The following YME1L1 variants were observed in gnomAD, a reference collection of about 807,000 sequenced individuals.
YME1L1 encodes ATP-dependent zinc metalloprotease YME1L1.
A neutral mutation model predicts 90.4 loss-of-function variants in YME1L1; 39 were observed. The ratio of observed to expected loss-of-function variants is 0.43; its 90% CI spans 0.33 to 0.56. YME1L1 has a LOEUF of 0.56. Ranked by LOEUF, YME1L1 falls within the 20% of genes least tolerant of loss-of-function variation. The pLI, the probability that YME1L1 is intolerant of heterozygous loss-of-function variation, is 0.03. For synonymous variants in YME1L1, 284 were observed against 287.3 expected (o/e 0.99, Z 0.12); for missense variants, 617 against 868.4 (o/e 0.71, Z 3.64).
chr10:27,152,131 G>GA (rs561472847), intron 1 of YME1L1, among the ~76,000 whole-genome samples: 1,606 of 148,640 alleles, frequency 0.011, 24 homozygotes, highest in Non-Finnish European at 0.015. Context: ...GCAGTAAAAA[G>GA]AAAAAAAAAT....
intron 8 of YME1L1, among the ~76,000 whole-genome samples, chr10:27,127,514 G>A (rs1187514761): frequency 2.0e-5 from 3 of 152,140 alleles, no homozygotes; most frequent in Non-Finnish European, 4.4e-5. Flanking sequence ...GCACCGTGTT[G>A]TAGTATTCTT....
At chr10:27,118,163 A>G (rs1335851775) in intron 14 of YME1L1, among the ~76,000 whole-genome samples, 1 of 152,196 alleles carries the variant, frequency 6.6e-6, no homozygotes. Context: ...CATTCTCCTT[A>G]AAGTCATTCT....
Position 27,153,159 on chromosome 10 carries a change from T to C in YME1L1, c.33+1019A>G, listed in dbSNP as rs59089651. 4.5e-5 allele frequency: 21 copies of C among 469,976 alleles called. 1 individual carries two copies. Among genetic ancestry groups the C allele is most frequent in the South Asian group, 3.3e-4 (21 of 64,478 alleles). 29.1% of individuals were successfully genotyped at this position (469,976 alleles called of 1,614,324 possible). On this transcript the variant is annotated intron_variant, in intron 1 of 18. Transcript: ENST00000376016. ...CTGTGATACCTGTTCACTCTTCACC[T>C]TGCTAAGTCCTACTCATATTTACTT...
At chr10:27,121,748 A>AT (rs10585648) in intron 11 of YME1L1, among the ~76,000 whole-genome samples, 22,151 of 138,412 alleles carry the variant, frequency 0.16, 2,086 homozygotes, top group East Asian at 0.44. Context: ...ACAAGCCACT[A>AT]TTTTTTTTTT....
At chr10:27,152,603 T>A (rs2057233246) in intron 1 of YME1L1, among the ~76,000 whole-genome samples, 1 of 152,176 alleles carries the variant, frequency 6.6e-6, no homozygotes, top group Non-Finnish European at 1.5e-5. Flanking sequence ...CAATACCATA[T>A]TCAATAGGCC....
intron 1 of YME1L1, among the ~76,000 whole-genome samples, 163 bp from the exon 2 acceptor site, chr10:27,149,203 T>C (rs973307925): frequency 1.3e-5 from 2 of 152,172 alleles, no homozygotes; most frequent in African/African-American, 4.8e-5. Flanking sequence ...AGACGAAAAC[T>C]GGTATGTTCT....
chr10:27,144,958 G>A (rs145674599), intron 3 of YME1L1, among the ~76,000 whole-genome samples: 2,572 of 152,128 alleles, frequency 0.017, 142 homozygotes, highest in East Asian at 0.16. Flanking sequence ...TGGCTAACAC[G>A]GTGAAACCCC....
chr10:27,118,444 A>G (rs2135845643), intron 14 of YME1L1, among the ~76,000 whole-genome samples: 1 of 151,994 alleles, frequency 6.6e-6, no homozygotes, highest in South Asian at 2.1e-4. Flanking sequence ...ACCCCACCCA[A>G]CTAATTTTTA....
chr10:27,115,613 C>G (rs1206538964), intron 17 of YME1L1, among the ~76,000 whole-genome samples: 1 of 152,114 alleles, frequency 6.6e-6, no homozygotes, highest in Non-Finnish European at 1.5e-5. Flanking sequence ...CAGTGCCCAG[C>G]CTAAAATCAT....
rs745722956 is a variant in YME1L1, at chr10:27,142,482, T to G, written c.335A>C (p.Asn112Thr). The G allele has an allele frequency of 7.0e-7, 1 of 1,425,248 alleles. No individual in the cohort carries two copies. The highest frequency in any genetic ancestry group is 2.7e-5 in the Admixed American group (1 of 36,550). 88.3% of individuals were successfully genotyped at this position (1,425,248 alleles called of 1,614,324 possible). Residue 112 changes from asparagine (N) to threonine (T), a missense_variant, in exon 4 of 19, where the codon AAC becomes ACC. Transcript: ENST00000376016. ...ACGTAATGTACTAAATATATCTAAG[T>G]TACCTGGAGGGAAATTGCAAAAAGT... ...AQSFFENKYG[N>T]LDIFSTLRSS...
chr10:27,149,247 G>A (rs910867414), intron 1 of YME1L1, among the ~76,000 whole-genome samples: 2 of 152,034 alleles, frequency 1.3e-5, no homozygotes, highest in African/African-American at 4.8e-5. Context: ...TAAATCAAAA[G>A]TATCAAAAAT....
chr10:27,147,607 A>C, intron 2 of YME1L1: 1 of 1,564,512 alleles, frequency 6.4e-7, no homozygotes, highest in Non-Finnish European at 8.7e-7. Flanking sequence ...GTACCCTTCG[A>C]ATATTTTTCC....
chr10:27,135,489 C>T (rs2057018297), intron 5 of YME1L1, among the ~76,000 whole-genome samples: 2 of 152,154 alleles, frequency 1.3e-5, no homozygotes, highest in Non-Finnish European at 2.9e-5. Flanking sequence ...GGTGGTAAAT[C>T]AATGCTACCT....
rs1045162228 is a variant in YME1L1 at position 27,141,023 on chromosome 10, T to C, written c.430+1364A>G. Among the ~76,000 whole-genome samples, 21 of 152,334 alleles carry C rather than the reference T, an allele frequency of 1.4e-4. No homozygotes were observed. The East Asian group carries it at 1.5e-3, about 11-fold the overall frequency. On this transcript the variant is annotated intron_variant, in intron 4 of 18. Coordinates refer to ENST00000376016, the MANE Select transcript of YME1L1 (RefSeq NM_014263.4). ...AGGGTTATTAGTCTCTTTGCTGAAA[T>C]TGGTGCCTCTCTTTTATGCTTTAAG... is the stretch of plus-strand genomic sequence containing the variant.
At chr10:27,145,051 G>C (rs2057127732) in intron 3 of YME1L1, among the ~76,000 whole-genome samples, 1 of 152,168 alleles carries the variant, frequency 6.6e-6, no homozygotes, top group African/African-American at 2.4e-5. Context: ...CGAGGCAAGA[G>C]AATGGTGTGA....
chr10:27,113,219 C>CAAAAAAAA (rs869122796), intron 18 of YME1L1, among the ~76,000 whole-genome samples: 9 of 43,104 alleles, frequency 2.1e-4, no homozygotes, highest in Non-Finnish European at 3.1e-4. Flanking sequence ...GATGCTGTCT[C>CAAAAAAAA]AAAAAAAAAA....
intron 1 of YME1L1, among the ~76,000 whole-genome samples, chr10:27,151,698 G>A (rs569825775): frequency 1.3e-5 from 2 of 152,046 alleles, no homozygotes; most frequent in Admixed American, 1.3e-4. Context: ...TGGCTAACAC[G>A]GTGAAACCCC....
rs1588616266 is a variant in YME1L1, at chr10:27,147,661, A to G, written c.168+1245T>C. The G allele has an allele frequency of 3.9e-6, 6 of 1,550,640 alleles. No homozygotes were observed. In the East Asian group the frequency reaches 1.5e-4, roughly 38 times the overall value. On this transcript the variant is annotated intron_variant, in intron 2 of 18. Transcript: ENST00000376016. The stretch of plus-strand genomic sequence containing the variant: ...GTTAAGCTTCGTCAGGAAGTCACTG[A>G]ACATACACTGTAGGAAGAGAGGTTT...
chr10:27,123,043 T>G, intron 10 of YME1L1, 70 bp from the exon 11 acceptor site: 4 of 1,544,110 alleles, frequency 2.6e-6, no homozygotes, highest in Non-Finnish European at 3.5e-6. Flanking sequence ...GAGATAAATA[T>G]TAAAATCCTA....
Sources: gnomAD v4.1 joint callset for allele counts (sites outside exome capture counted in the v4.1 genomes callset) on GRCh38, gnomAD v4.1.1 for gene constraint, MANE v1.5 for transcripts, NCBI Gene and HGNC (gene_info 2026-07-23, HGNC 2026-07-21) for gene names.